The following UNC5C variants were observed in gnomAD, a reference collection of about 807,000 sequenced individuals.
UNC5C encodes the protein netrin receptor UNC5C.
UNC5C carries 47 observed loss-of-function variants against 99.8 expected under a neutral mutation model. The observed-to-expected ratio is 0.47, with a 90% CI of 0.37 to 0.60. The LOEUF (loss-of-function observed/expected upper bound fraction) is 0.60. Among genes scored for constraint, UNC5C ranks in the 20% least tolerant of loss-of-function variants. UNC5C has a pLI of 0.00. For missense variants in UNC5C, 1,062 were observed against 1,165.9 expected, an observed-to-expected ratio of 0.91 and a Z score of 1.30; for synonymous variants, 487 against 452.2, an observed-to-expected ratio of 1.08 and a Z score of -0.98.
At chr4:95,275,766 T>C (rs1402315739) in intron 4 of UNC5C, among the ~76,000 whole-genome samples, 2 of 152,176 alleles carry the variant, frequency 1.3e-5, no homozygotes, top group East Asian at 3.8e-4. Flanking sequence ...GACTACTTCC[T>C]CAATAGAACT....
intron 1 of UNC5C, among the ~76,000 whole-genome samples, chr4:95,461,818 G>A (rs1747608802): frequency 1.3e-5 from 2 of 152,180 alleles, no homozygotes; most frequent in South Asian, 4.1e-4. Context: ...TAGTGACCAT[G>A]CTTGCAAAGC....
chr4:95,472,505 A>G (rs1325246920), intron 1 of UNC5C, among the ~76,000 whole-genome samples: 1 of 152,066 alleles, frequency 6.6e-6, no homozygotes, highest in Non-Finnish European at 1.5e-5. Flanking sequence ...TTTTTCATGT[A>G]TTTAAATATC....
At chr4:95,498,650 C>T (rs1334201388) in intron 1 of UNC5C, among the ~76,000 whole-genome samples, 1 of 151,710 alleles carries the variant, frequency 6.6e-6, no homozygotes, top group Non-Finnish European at 1.5e-5. Context: ...CAGTGAAAAA[C>T]CCCTTCTGTT....
intron 10 of UNC5C, among the ~76,000 whole-genome samples, chr4:95,211,749 C>T (rs1270367662): frequency 6.6e-6 from 1 of 152,124 alleles, no homozygotes; most frequent in African/African-American, 2.4e-5. Context: ...ACTTTATTTT[C>T]CCCATTTTCT....
chr4:95,305,539 G>C lies in UNC5C; in HGVS notation c.347-3790C>G, dbSNP rs935355755. Reference sequence around the variant, plus strand: ...TTTGGGAACCTGAAATTGGTTTCAGGTTATTTAAGGGTGGGGGAAATGCTT... The same window carrying C: ...TTTGGGAACCTGAAATTGGTTTCAGCTTATTTAAGGGTGGGGGAAATGCTT... On this transcript the variant is annotated intron_variant, in intron 2 of 15. Coordinates refer to ENST00000453304, the MANE Select transcript of UNC5C (RefSeq NM_003728.4). 5.3e-5 allele frequency among the ~76,000 whole-genome samples: 8 copies of C among 152,252 alleles called. No individual in the cohort carries two copies. In the South Asian group the frequency reaches 1.7e-3, roughly 32 times the overall value.
rs77182803 is a variant in UNC5C at position 95,282,270 on chromosome 4, G to A, written c.491-3908C>T. Among the ~76,000 whole-genome samples the A allele has an allele frequency of 1.5e-3, 226 of 152,242 alleles. 4 individuals carry two copies. The East Asian group carries it at 0.032, about 21-fold the overall frequency. On this transcript the variant is annotated intron_variant, in intron 3 of 15. Coordinates refer to ENST00000453304, the MANE Select transcript of UNC5C (RefSeq NM_003728.4). ...AAAATAAAATTTTAAAAAATGGGGAGGTCAATAGGAGAAATGCAGTGAAGG... is the reference window on the plus strand; with the variant it reads ...AAAATAAAATTTTAAAAAATGGGGAAGTCAATAGGAGAAATGCAGTGAAGG...
At chr4:95,421,487 ATT>A (rs146968393) in intron 1 of UNC5C, among the ~76,000 whole-genome samples, 1 of 148,552 alleles carries the variant, frequency 6.7e-6, no homozygotes, top group Admixed American at 6.7e-5. Context: ...ACTATGGTAG[ATT>A]TTTTTTTTTT....
intron 1 of UNC5C, among the ~76,000 whole-genome samples, chr4:95,420,646 C>G (rs1746292483): frequency 6.6e-6 from 1 of 151,932 alleles, no homozygotes; most frequent in Admixed American, 6.6e-5. Context: ...TAAGAGTAAA[C>G]AATTTCAACG....
intron 1 of UNC5C, among the ~76,000 whole-genome samples, chr4:95,433,057 A>G (rs1232462959): frequency 6.6e-6 from 1 of 152,106 alleles, no homozygotes; most frequent in Non-Finnish European, 1.5e-5. Context: ...TCTTCTGCTG[A>G]GAACTGATTA....
intron 7 of UNC5C, among the ~76,000 whole-genome samples, chr4:95,235,489 T>G (rs1431887821): frequency 1.3e-5 from 2 of 152,192 alleles, no homozygotes; most frequent in South Asian, 2.1e-4. Context: ...TTAGTTTAAT[T>G]AGATCCCATT....
chr4:95,381,302 T>A (rs1745063437), intron 1 of UNC5C, among the ~76,000 whole-genome samples: 3 of 152,180 alleles, frequency 2.0e-5, no homozygotes, highest in Non-Finnish European at 1.5e-5. Context: ...GATTGTGTAT[T>A]TCTGTGACAT....
chr4:95,414,702 C>T (rs891960682), intron 1 of UNC5C, among the ~76,000 whole-genome samples: 39 of 152,174 alleles, frequency 2.6e-4, no homozygotes, highest in African/African-American at 9.2e-4. Context: ...AAATTCTCCT[C>T]TATATGAGGA....
At chr4:95,234,393 ATACTTT>A (rs979487218) in intron 7 of UNC5C, among the ~76,000 whole-genome samples, 3 of 128,934 alleles carry the variant, frequency 2.3e-5, no homozygotes, top group Admixed American at 1.5e-4. Flanking sequence ...TTTTTTTATT[ATACTTT>A]AAGTTTTAGG....
At chr4:95,468,828 G>C (rs1263231670) in intron 1 of UNC5C, among the ~76,000 whole-genome samples, 2 of 152,038 alleles carry the variant, frequency 1.3e-5, no homozygotes, top group African/African-American at 2.4e-5. Context: ...TGGGGTTCTG[G>C]GTGGCCAGCA....
chr4:95,328,162 C>A (rs1405212233), intron 2 of UNC5C, among the ~76,000 whole-genome samples: 5 of 111,568 alleles, frequency 4.5e-5, no homozygotes, highest in African/African-American at 1.5e-4. Context: ...TGCACTGCAC[C>A]CACTAACGTG....
intron 1 of UNC5C, among the ~76,000 whole-genome samples, chr4:95,531,170 T>G (rs1722633035): frequency 1.3e-5 from 2 of 152,338 alleles, no homozygotes; most frequent in African/African-American, 4.8e-5. Flanking sequence ...CAGAGAAGTA[T>G]TCTTTTAAGA....
chr4:95,422,152 C>T (rs562746235), intron 1 of UNC5C, among the ~76,000 whole-genome samples: 18 of 152,308 alleles, frequency 1.2e-4, no homozygotes, highest in Admixed American at 3.3e-4. Flanking sequence ...ATAATGGAAA[C>T]GTTACTCGTT....
At chr4:95,178,228 A>G (rs972791881) in intron 14 of UNC5C, among the ~76,000 whole-genome samples, 4 of 152,180 alleles carry the variant, frequency 2.6e-5, no homozygotes, top group African/African-American at 9.7e-5. Flanking sequence ...TGCCATTTCT[A>G]AGGATGCACC....
At chr4:95,263,907 C>A (rs998520492) in intron 4 of UNC5C, among the ~76,000 whole-genome samples, 4 of 152,030 alleles carry the variant, frequency 2.6e-5, no homozygotes, top group African/African-American at 9.7e-5. Flanking sequence ...AACTTACAAA[C>A]TAAGATAAAA....
Sources: gnomAD v4.1 joint callset for allele counts (sites outside exome capture counted in the v4.1 genomes callset) on GRCh38, gnomAD v4.1.1 for gene constraint, MANE v1.5 for transcripts, NCBI Gene and HGNC (gene_info 2026-07-23, HGNC 2026-07-21) for gene names.